Variants in MLLT6 observed in about 807,000 individuals in gnomAD.
The protein encoded by MLLT6 is MLLT6, PHD finger containing, also known as protein AF-17.
MLLT6 carries 22 observed loss-of-function variants against 103.0 expected under a neutral mutation model. That is an observed-to-expected ratio of 0.21 (90% confidence interval 0.15 to 0.31). The LOEUF is 0.31. Among genes scored for constraint, MLLT6 ranks in the 10% least tolerant of loss-of-function variants. The pLI, the probability that MLLT6 is intolerant of heterozygous loss-of-function variation, is 1.00. For synonymous variants in MLLT6, 606 were observed against 623.5 expected, an observed-to-expected ratio of 0.97 and a Z score of 0.42; for missense variants, 1,199 against 1,441.7, an observed-to-expected ratio of 0.83 and a Z score of 2.73.
At position 38,719,802 on chromosome 17, in the gene MLLT6, T is replaced by G; in HGVS notation, c.2062T>G (p.Cys688Gly). 1 of 1,613,402 alleles carries G rather than the reference T, an allele frequency of 6.2e-7. No individual in the cohort carries two copies. Among genetic ancestry groups the G allele is most frequent in the Non-Finnish European group, 8.5e-7 (1 of 1,179,834 alleles). The change falls in exon 14 of 20, where the codon TGT (cysteine) becomes GGT (glycine). Residue 688 changes from cysteine to glycine, a missense_variant. Coordinates refer to ENST00000621332, the MANE Select transcript of MLLT6 (RefSeq NM_005937.4). Reference sequence around the variant, plus strand: ...CTTCGACCAGACAGCCTCTGCACCCTGTGGGGGCGGCCAGTTAGACCCGGC... The same window carrying G: ...CTTCGACCAGACAGCCTCTGCACCCGGTGGGGGCGGCCAGTTAGACCCGGC... ...ALFDQTASAPCGGGQLDPAAP... is the reference protein window; with the variant it reads ...ALFDQTASAPGGGGQLDPAAP...
rs2143691332 is a variant in MLLT6 at position 38,717,540 on chromosome 17, C to T, written c.1760C>T (p.Ala587Val). The T allele has an allele frequency of 6.2e-7, 1 of 1,613,402 alleles. No individual in the cohort carries two copies. Among genetic ancestry groups the T allele is most frequent in the East Asian group, 2.2e-5 (1 of 44,858 alleles). ...CTCCTGGGGCCCCCAGGGACCTCGG[C>T]CCTGCCCCGCCTCAGCCGCTCCCCG... Reference protein sequence around the residue: ...SSLLGPPGTSALPRLSRSPFT... With the variant: ...SSLLGPPGTSVLPRLSRSPFT... The change falls in exon 11 of 20, where the codon GCC becomes GTC. Residue 587 changes from alanine (A) to valine (V), a missense_variant. Around this residue, in one of 7 missense-constraint regions of MLLT6, gnomAD observed 1,034 missense variants for 1,091.5 expected, o/e 0.95. Coordinates refer to ENST00000621332, the MANE Select transcript of MLLT6 (RefSeq NM_005937.4).
chr17:38,719,928 C>T (rs1255030798), intron 14 of MLLT6, 33 bp downstream of exon 14: 7 of 1,536,524 alleles, frequency 4.6e-6, no homozygotes, highest in Non-Finnish European at 6.1e-6. Context: ...GGGACGCCTG[C>T]CCTAGGGCCC....
At chr17:38,711,770 G>A in intron 6 of MLLT6, 77 bp from the exon 7 acceptor site, 1 of 1,443,334 alleles carries the variant, frequency 6.9e-7, no homozygotes, top group Non-Finnish European at 9.1e-7. Flanking sequence ...CCAGGATCAG[G>A]ATCCTCTAAC....
At chr17:38,705,946 C>T (rs542258809) in intron 1 of MLLT6, 1 of 245,734 alleles carries the variant, frequency 4.1e-6, no homozygotes, top group Non-Finnish European at 7.7e-6. Flanking sequence ...GTTCCAGTTC[C>T]GCGCCCCCCA....
rs775234842 is a variant in MLLT6 at position 38,716,484 on chromosome 17, C to A, written c.1154C>A (p.Ala385Asp). ...PAPSAPPSPS[A>D]PEPPKADLFE... ...CCTTCAGCCCCTCCTTCTCCCTCAG[C>A]TCCCGAGCCCCCCAAGGCTGACCTT... The change falls in exon 10 of 20, where the codon GCT (alanine) becomes GAT (aspartate). Residue 385 changes from alanine (A) to aspartate (D), a missense_variant. By Grantham distance (126) the Ala-to-Asp change is moderately radical. Transcript: ENST00000621332. The surrounding 1 kb of genome is among the most constrained non-coding windows in gnomAD (Gnocchi z 5.6). The A allele has an allele frequency of 2.4e-5, 38 of 1,614,060 alleles. No individual in the cohort carries two copies. Among genetic ancestry groups the A allele is most frequent in the Non-Finnish European group, 3.1e-5 (37 of 1,180,024 alleles).
chr17:38,716,923 C>A lies in MLLT6; in HGVS notation c.1593C>A (p.Thr531=), dbSNP rs761020977. ...SSGLGGLSSR[T]FGPSGSLPSL... ...GCCTGGGAGGTCTGTCCTCCCGAAC[C>A]TTTGGGCCTTCTGGGAGCTTGCCCA... The change falls in exon 10 of 20, where the codon ACC becomes ACA. Residue 531 remains threonine (T), a synonymous_variant. Transcript: ENST00000621332. This position sits in a 1 kb window ranked among gnomAD's most constrained non-coding sequence, Gnocchi z 5.6. 2 of 1,613,840 alleles carry A rather than the reference C, an allele frequency of 1.2e-6. No homozygotes were observed. Among genetic ancestry groups the A allele is most frequent in the Admixed American group, 3.3e-5 (2 of 59,992 alleles).
chr17:38,708,839 A>G (rs1196007174), intron 4 of MLLT6, among the ~76,000 whole-genome samples: 1 of 152,218 alleles, frequency 6.6e-6, no homozygotes, highest in Non-Finnish European at 1.5e-5. Flanking sequence ...AGGAGGTTGC[A>G]GTGAGCCGAG....
chr17:38,720,188 A>G (rs1905631032), intron 14 of MLLT6, 184 bp from the exon 15 acceptor site: 3 of 694,662 alleles, frequency 4.3e-6, no homozygotes, highest in Non-Finnish European at 7.1e-6. Flanking sequence ...GCTCCGCCCC[A>G]GGTCTTCACA....
rs552827272 is a variant in MLLT6, at chr17:38,706,935, C to T, written c.110-15C>T. ...GCTGACAGCTTTGCTCAGCGACTGT[C>T]CTCCCCACCCTCAGCTTGCTATGGC... is the stretch of plus-strand genomic sequence containing the variant. On this transcript the variant is annotated splice_polypyrimidine_tract_variant and intron_variant, in intron 1 of 19. Coordinates refer to ENST00000621332, the MANE Select transcript of MLLT6 (RefSeq NM_005937.4). The T allele has an allele frequency of 1.3e-5, 21 of 1,599,558 alleles. No individual in the cohort carries two copies. In the African/African-American group the frequency reaches 2.7e-4, roughly 20 times the overall value.
At position 38,725,865 on chromosome 17, in the gene MLLT6, A is replaced by G; in HGVS notation, c.*267A>G. 2.1e-6 allele frequency: 1 copy of G among 470,164 alleles called. No homozygotes were observed. Among genetic ancestry groups the G allele is most frequent in the African/African-American group, 2.0e-5 (1 of 49,088 alleles). The allele number at this position is 470,164 out of a possible 1,614,324, so 29.1% of individuals were successfully genotyped here. A position where few individuals can be genotyped will look rare whatever the true frequency, so the allele number is the denominator to read the frequency against. The stretch of plus-strand genomic sequence containing the variant: ...GTCTGCAAGCCCGCCTAGGAGGTCC[A>G]TCCCCAGCAAATGTTTTGGAGGTCC... On this transcript the variant is annotated 3_prime_UTR_variant, in exon 20 of 20. Transcript: ENST00000621332.
intron 11 of MLLT6, 63 bp from the exon 12 acceptor site, chr17:38,717,782 G>A: frequency 6.9e-7 from 1 of 1,457,816 alleles, no homozygotes; most frequent in Admixed American, 1.7e-5. Context: ...CTGCACCCCG[G>A]TACACACAGT....
intron 12 of MLLT6, 62 bp downstream of exon 12, chr17:38,718,015 A>G: frequency 8.7e-7 from 1 of 1,142,906 alleles, no homozygotes; most frequent in Non-Finnish European, 1.3e-6. Context: ...CATCACCTGC[A>G]TGTGACCCCA....
intron 2 of MLLT6, 82 bp downstream of exon 2, chr17:38,707,111 G>T: frequency 8.1e-7 from 1 of 1,237,166 alleles, no homozygotes; most frequent in Non-Finnish European, 1.1e-6. Flanking sequence ...GGACTCTGAG[G>T]CCGAGGCTAG....
intron 8 of MLLT6, chr17:38,714,390 G>C (rs139674350): frequency 8.1e-4 from 124 of 152,340 alleles, no homozygotes; most frequent in African/African-American, 2.8e-3. Context: ...CATATGCATA[G>C]TGCTCCCTGT....
rs779053030 is a variant in MLLT6 at position 38,717,968 on chromosome 17, G to A, written c.1942+15G>A. 2 of 1,538,344 alleles carry A rather than the reference G, an allele frequency of 1.3e-6. No homozygotes were observed. Among genetic ancestry groups the A allele is most frequent in the Non-Finnish European group, 1.8e-6 (2 of 1,112,280 alleles). ...CAGCCACACAGGTATGTGAATATCT[G>A]ATCCCCTCTCCCCTTTCTTCCCAAA... On this transcript the variant is annotated intron_variant, in intron 12 of 19. Transcript: ENST00000621332.
chr17:38,709,386 T>A lies in MLLT6; in HGVS notation c.459-96T>A. 1 of 1,423,066 alleles carries A rather than the reference T, an allele frequency of 7.0e-7. No individual in the cohort carries two copies. The highest frequency in any genetic ancestry group is 9.9e-7 in the Non-Finnish European group (1 of 1,005,974). 88.2% of individuals were successfully genotyped at this position (1,423,066 alleles called of 1,614,324 possible). ...ATGGTGGTGGCAATGCTTTGGATGG[T>A]CTTGGCTTCGCCTCAGCAGGGGGCC... On this transcript the variant is annotated intron_variant, in intron 5 of 19. Coordinates refer to ENST00000621332, the MANE Select transcript of MLLT6 (RefSeq NM_005937.4). The surrounding 1 kb of genome is among the most constrained non-coding windows in gnomAD (Gnocchi z 4.3).
At chr17:38,723,905 G>C (rs1905888627) in intron 18 of MLLT6, among the ~76,000 whole-genome samples, 1 of 151,848 alleles carries the variant, frequency 6.6e-6, no homozygotes, top group African/African-American at 2.4e-5. Context: ...ACCATGCCCA[G>C]CTAATTTTTG....
intron 7 of MLLT6, among the ~76,000 whole-genome samples, chr17:38,712,460 T>C (rs1440882536): frequency 6.6e-6 from 1 of 152,178 alleles, no homozygotes; most frequent in African/African-American, 2.4e-5. Flanking sequence ...ACTGGCGTGA[T>C]AATGGGACAG....
Position 38,721,863 on chromosome 17 carries a change from C to T in MLLT6, c.2443-15C>T. Reference sequence around the variant, plus strand: ...TGCTGGCCCTCTGACCCCTCCCTTCCCCCTCCCTCCCCAGGACCCACACTC... The same window carrying T: ...TGCTGGCCCTCTGACCCCTCCCTTCTCCCTCCCTCCCCAGGACCCACACTC... On this transcript the variant is annotated splice_polypyrimidine_tract_variant and intron_variant, in intron 16 of 19. Transcript: ENST00000621332. 2 of 1,539,806 alleles carry T rather than the reference C, an allele frequency of 1.3e-6. No individual in the cohort carries two copies. The highest frequency in any genetic ancestry group is 1.2e-5 in the South Asian group (1 of 84,886).
Sources: gnomAD v4.1 joint callset for allele counts (sites outside exome capture counted in the v4.1 genomes callset) on GRCh38, gnomAD v4.1.1 for gene constraint, gnomAD v4.1.1 regional missense constraint, Gnocchi (gnomAD v3.1) non-coding constraint, MANE v1.5 for transcripts, NCBI Gene and HGNC (gene_info 2026-07-23, HGNC 2026-07-21) for gene names.